SLC15A1: variants seen among roughly 807,000 people sequenced by gnomAD.
SLC15A1 encodes the protein Caco-2 oligopeptide transporter.
In SLC15A1, 83 loss-of-function variants were observed where a neutral mutation model predicts 92.9. The ratio of observed to expected loss-of-function variants is 0.89; its 90% CI spans 0.75 to 1.07. SLC15A1 has a LOEUF of 1.07. Among genes scored for constraint, SLC15A1 ranks in the 50% least tolerant of loss-of-function variants. The pLI is 0.00. For synonymous variants in SLC15A1, 322 were observed against 318.2 expected (o/e 1.01, Z -0.13); for missense variants, 857 against 880.1 (o/e 0.97, Z 0.33).
At chr13:98,718,307 T>C (rs1481401262) in intron 8 of SLC15A1, among the ~76,000 whole-genome samples, 1 of 19,354 alleles carries the variant, frequency 5.2e-5, no homozygotes, top group Non-Finnish European at 1.6e-4. Flanking sequence ...CATCTTTTTT[T>C]TTTTTTTTTT....
At chr13:98,708,157 G>A (rs2088130913) in intron 15 of SLC15A1, among the ~76,000 whole-genome samples, 1 of 151,974 alleles carries the variant, frequency 6.6e-6, no homozygotes, top group Non-Finnish European at 1.5e-5. Flanking sequence ...AAGTGGTGGG[G>A]AATGGTGGGG....
chr13:98,726,696 G>A, intron 2 of SLC15A1, 147 bp downstream of exon 2: 1 of 840,116 alleles, frequency 1.2e-6, no homozygotes, highest in Non-Finnish European at 2.0e-6. Flanking sequence ...CATTTCCTCA[G>A]GAGAGGACAT....
intron 5 of SLC15A1, 53 bp from the exon 6 acceptor site, chr13:98,721,956 G>T (rs1002785833): frequency 1.1e-5 from 16 of 1,485,506 alleles, no homozygotes; most frequent in Admixed American, 1.8e-5. Context: ...CAAGTAGAAG[G>T]CCTCTCTTTT....
intron 18 of SLC15A1, among the ~76,000 whole-genome samples, chr13:98,690,712 C>T (rs561532483): frequency 2.8e-4 from 43 of 152,286 alleles, no homozygotes; most frequent in Non-Finnish European, 5.1e-4. Context: ...CACTTACCCA[C>T]ACCTAGACGG....
intron 16 of SLC15A1, among the ~76,000 whole-genome samples, chr13:98,704,855 T>C (rs1193682648): frequency 6.6e-6 from 1 of 152,196 alleles, no homozygotes; most frequent in East Asian, 1.9e-4. Context: ...TCTAAGGTTG[T>C]GGTGCTCAAC....
At chr13:98,713,640 G>A (rs536988448) in intron 9 of SLC15A1, among the ~76,000 whole-genome samples, 3 of 152,188 alleles carry the variant, frequency 2.0e-5, no homozygotes, top group Non-Finnish European at 4.4e-5. Context: ...GGGCCACTAA[G>A]ATTCCTTGTT....
intron 4 of SLC15A1, 30 bp from the exon 5 acceptor site, chr13:98,724,061 G>A (rs1233943639): frequency 6.2e-7 from 1 of 1,612,584 alleles, no homozygotes; most frequent in Non-Finnish European, 8.5e-7. Context: ...GAGAATCCGA[G>A]TTAATTGCAC....
chr13:98,687,549 C>A, intron 21 of SLC15A1, 32 bp downstream of exon 21: 1 of 1,609,448 alleles, frequency 6.2e-7, no homozygotes, highest in Non-Finnish European at 8.5e-7. Context: ...AGGGGTATTG[C>A]AGATGGGTGG....
intron 9 of SLC15A1, among the ~76,000 whole-genome samples, chr13:98,715,332 G>A (rs574152324): frequency 1.3e-5 from 2 of 152,262 alleles, no homozygotes; most frequent in South Asian, 4.1e-4. Flanking sequence ...CCGCCACCAT[G>A]CCTGGCTAAT....
At chr13:98,751,364 C>T (rs79818319) in intron 1 of SLC15A1, among the ~76,000 whole-genome samples, 8,043 of 152,276 alleles carry the variant, frequency 0.053, 339 homozygotes, top group African/African-American at 0.1. Flanking sequence ...ATTGGATCTG[C>T]TGGAAATGCT....
At chr13:98,695,280 T>G (rs2088013171) in intron 18 of SLC15A1, among the ~76,000 whole-genome samples, 1 of 152,192 alleles carries the variant, frequency 6.6e-6, no homozygotes, top group Middle Eastern at 3.4e-3. Context: ...AGATACAGGG[T>G]CTCACTATTT....
At chr13:98,685,602 C>G (rs1431312042) in intron 22 of SLC15A1, among the ~76,000 whole-genome samples, 1 of 152,202 alleles carries the variant, frequency 6.6e-6, no homozygotes, top group African/African-American at 2.4e-5. Context: ...AGAGATGTTT[C>G]CCTTGATAGT....
At chr13:98,714,653 C>CAAAAAAAA (rs11378347) in intron 9 of SLC15A1, among the ~76,000 whole-genome samples, 6 of 94,306 alleles carry the variant, frequency 6.4e-5, no homozygotes, top group South Asian at 4.2e-4. Flanking sequence ...GACTCCATCT[C>CAAAAAAAA]AAAAAAAAAA....
At chr13:98,709,833 G>T (rs746624055) in intron 12 of SLC15A1, 34 bp downstream of exon 12, 2 of 1,614,076 alleles carry the variant, frequency 1.2e-6, no homozygotes, top group East Asian at 4.5e-5. Context: ...GAAGAAAGGG[G>T]ACAAAGAAAC....
intron 17 of SLC15A1, among the ~76,000 whole-genome samples, chr13:98,703,644 C>T (rs1283542549): frequency 6.9e-6 from 1 of 144,986 alleles, no homozygotes; most frequent in African/African-American, 2.6e-5. Context: ...GCAGCCTCTA[C>T]CTCCTGGGCT....
chr13:98,746,060 G>A (rs574593964), intron 1 of SLC15A1, among the ~76,000 whole-genome samples: 2 of 152,080 alleles, frequency 1.3e-5, no homozygotes, highest in East Asian at 3.9e-4. Context: ...CCCAGTATGT[G>A]TTGTTCCCCT....
At position 98,752,002 on chromosome 13, in the gene SLC15A1, T is replaced by C. The variant is rs556594931; in HGVS notation, c.4+593A>G. Among the ~76,000 whole-genome samples the C allele has an allele frequency of 6.6e-5, 10 of 152,242 alleles. No individual in the cohort carries two copies. In the South Asian group the frequency reaches 1.0e-3, roughly 16 times the overall value. On this transcript the variant is annotated intron_variant, in intron 1 of 22. Transcript: ENST00000376503. Reference sequence around the variant, plus strand: ...ATTCGGAAGCGGGGCAGGAGTCAAGTTGCCTCCTAGCTGTTTTGCTGACGC... The same window carrying C: ...ATTCGGAAGCGGGGCAGGAGTCAAGCTGCCTCCTAGCTGTTTTGCTGACGC...
At chr13:98,747,889 A>G (rs1217445082) in intron 1 of SLC15A1, among the ~76,000 whole-genome samples, 2 of 152,210 alleles carry the variant, frequency 1.3e-5, no homozygotes, top group Non-Finnish European at 2.9e-5. Context: ...CAAAAAACAA[A>G]TGAACAAACA....
chr13:98,744,329 TAC>T (rs2088474643), intron 1 of SLC15A1, among the ~76,000 whole-genome samples: 1 of 148,324 alleles, frequency 6.7e-6, no homozygotes, highest in East Asian at 2.0e-4. Flanking sequence ...CCCTAACTTA[TAC>T]ACACACAGAC....
Sources: gnomAD v4.1 joint callset for allele counts (sites outside exome capture counted in the v4.1 genomes callset) on GRCh38, gnomAD v4.1.1 for gene constraint, MANE v1.5 for transcripts, NCBI Gene and HGNC (gene_info 2026-07-23, HGNC 2026-07-21) for gene names.